Variants in FARP1 observed in about 807,000 individuals in gnomAD.
The protein encoded by FARP1 is FERM, ARHGEF and pleckstrin domain-containing protein 1.
In FARP1, 52 loss-of-function variants were observed where a neutral mutation model predicts 128.8. That is an observed-to-expected ratio of 0.40 (90% confidence interval 0.32 to 0.51). The LOEUF (loss-of-function observed/expected upper bound fraction) is 0.51. Among genes scored for constraint, FARP1 ranks in the 20% least tolerant of loss-of-function variants. The pLI is 0.45. For missense variants in FARP1, 1,333 were observed against 1,367.9 expected, an observed-to-expected ratio of 0.97 and a Z score of 0.40; for synonymous variants, 580 against 551.8, an observed-to-expected ratio of 1.05 and a Z score of -0.72.
chr13:98,244,747 AGAAATT>A (rs145977634), intron 2 of FARP1: 24,379 of 1,603,890 alleles, frequency 0.015, 251 homozygotes, highest in Middle Eastern at 0.026. Flanking sequence ...TTTCATTCAA[AGAAATT>A]GATTGGCAAT....
chr13:98,395,210 T>C lies in FARP1; in HGVS notation c.1165-17T>C. 1 of 1,579,310 alleles carries C rather than the reference T, an allele frequency of 6.3e-7. No individual in the cohort carries two copies. The highest frequency in any genetic ancestry group is 8.7e-7 in the Non-Finnish European group (1 of 1,155,768). On this transcript the variant is annotated splice_polypyrimidine_tract_variant and intron_variant, in intron 12 of 26. Transcript: ENST00000319562. ...CTCTTCTCTATCTCTCCGCACCTTT[T>C]TCCCCACCCCACCCAGTCTCAGCAG...
chr13:98,389,752 T>C (rs892145585), intron 9 of FARP1: 1 of 498,416 alleles, frequency 2.0e-6, no homozygotes, highest in Non-Finnish European at 3.5e-6. Context: ...AGAGATTCTG[T>C]GGGGAAGAAA....
intron 18 of FARP1, chr13:98,435,017 A>G (rs909661497): frequency 6.6e-6 from 1 of 152,352 alleles, no homozygotes; most frequent in African/African-American, 2.4e-5. Context: ...AAAAGAAAAA[A>G]TTTGAATTCT....
At chr13:98,412,497 G>A (rs745835725) in intron 16 of FARP1, among the ~76,000 whole-genome samples, 2 of 152,116 alleles carry the variant, frequency 1.3e-5, no homozygotes, top group African/African-American at 4.8e-5. Context: ...GTGTGCATGC[G>A]CACACACACA....
In FARP1 at chr13:98,240,122, T is replaced by C. The variant is rs77637771; in HGVS notation, c.171+26709T>C. On this transcript the variant is annotated intron_variant, in intron 2 of 26. Transcript: ENST00000319562. ...TCATCTCTTCTACCCTTGCACGGGG[T>C]CACCCTTGGCCAGGGACGCCTGTGG... 1.4e-3 allele frequency among the ~76,000 whole-genome samples: 218 copies of C among 152,130 alleles called. 1 individual carries two copies. The East Asian group carries it at 0.03, about 21-fold the overall frequency.
At chr13:98,446,008 G>C (rs1010154549) in intron 24 of FARP1, 90 bp from the exon 25 acceptor site, 2 of 866,362 alleles carry the variant, frequency 2.3e-6, no homozygotes, top group African/African-American at 1.7e-5. Context: ...ACATGCCCCA[G>C]CCCAGGGCCC....
chr13:98,219,452 T>C (rs1459090997), intron 2 of FARP1, among the ~76,000 whole-genome samples: 2 of 151,878 alleles, frequency 1.3e-5, no homozygotes, highest in East Asian at 3.9e-4. Context: ...ACTCCTGCCT[T>C]AGCCTCCCTA....
intron 1 of FARP1, chr13:98,177,045 C>G: frequency 6.3e-7 from 1 of 1,593,758 alleles, no homozygotes; most frequent in Non-Finnish European, 8.5e-7. Flanking sequence ...CCCGGGGCCT[C>G]GGTGCCACCC....
chr13:98,230,044 G>A (rs7989050), intron 2 of FARP1, among the ~76,000 whole-genome samples: 23,859 of 152,156 alleles, frequency 0.16, 4,563 homozygotes, highest in East Asian at 0.49. Context: ...GTCACTGGTC[G>A]TGCCTAGTAC....
At chr13:98,247,920 T>C (rs906222462) in intron 2 of FARP1, among the ~76,000 whole-genome samples, 9 of 152,194 alleles carry the variant, frequency 5.9e-5, no homozygotes, top group African/African-American at 2.2e-4. Flanking sequence ...GCTGGACACT[T>C]GATCAGCAGT....
intron 2 of FARP1, among the ~76,000 whole-genome samples, chr13:98,276,564 CT>C (rs58004472): frequency 0.24 from 37,067 of 151,926 alleles, 5,211 homozygotes; most frequent in South Asian, 0.45. Context: ...ATGTGGATAA[CT>C]TTTTTTCTTG....
intron 2 of FARP1, among the ~76,000 whole-genome samples, chr13:98,228,951 G>C (rs1881952857): frequency 6.6e-6 from 1 of 152,132 alleles, no homozygotes; most frequent in African/African-American, 2.4e-5. Flanking sequence ...CTCAGAAATA[G>C]GAATTTGTTA....
intron 1 of FARP1, among the ~76,000 whole-genome samples, chr13:98,160,558 A>G (rs1473063937): frequency 6.6e-6 from 1 of 152,224 alleles, no homozygotes; most frequent in Non-Finnish European, 1.5e-5. Context: ...GAAAGTGAAG[A>G]AAAGTAGGCA....
Position 98,390,066 on chromosome 13 carries a change from C to A in FARP1, c.965C>A (p.Pro322His). 6.2e-7 allele frequency: 1 copy of A among 1,614,164 alleles called. No individual in the cohort carries two copies. Among genetic ancestry groups the A allele is most frequent in the Non-Finnish European group, 8.5e-7 (1 of 1,180,026 alleles). The stretch of plus-strand genomic sequence containing the variant: ...GCCTTCTTTAGACTTTTTGAAGAGC[C>A]CAAACCAAAGCCCAAGCCCGTCCTC... Reference protein sequence around the residue: ...HHAFFRLFEEPKPKPKPVLFS... With the variant: ...HHAFFRLFEEHKPKPKPVLFS... Residue 322 changes from proline (P) to histidine (H), a missense_variant, in exon 10 of 27, where the codon CCC becomes CAC. Pro to His is a moderately conservative substitution (Grantham distance 77). This residue lies in a region of FARP1 where 1,009 missense variants were observed against 969.8 expected (regional missense o/e 1.04). Transcript: ENST00000319562.
At chr13:98,333,346 A>G (rs1265975528) in intron 2 of FARP1, 1 of 151,986 alleles carries the variant, frequency 6.6e-6, no homozygotes, top group Non-Finnish European at 1.5e-5. Context: ...ACCTAGCACT[A>G]TGAAGAGCTG....
In FARP1 at chr13:98,417,455, G is replaced by GGGAAAAAAAAAAAAAA. The variant is rs1491453247; in HGVS notation, c.1826+5421_1826+5422insGGAAAAAAAAAAAAAA. 9.6e-4 allele frequency among the ~76,000 whole-genome samples: 56 copies of GGGAAAAAAAAAAAAAA among 58,478 alleles called. 3 individuals are homozygous for GGGAAAAAAAAAAAAAA. The highest frequency in any genetic ancestry group is 2.7e-3 in the African/African-American group (48 of 17,466). The allele number at this position is 58,478 out of a possible 152,430, so 38.4% of individuals were successfully genotyped here. On this transcript the variant is annotated intron_variant, in intron 16 of 26. Transcript: ENST00000319562. ...AGGAAACAGAGGCCACCAGAGGTTT[G>GGGAAAAAAAAAAAAAA]AAAAAAAAAAAAAAAAAAAAAAAAA...
chr13:98,445,141 A>C (rs1279238772), intron 24 of FARP1: 1 of 152,250 alleles, frequency 6.6e-6, no homozygotes, highest in Non-Finnish European at 1.5e-5. Context: ...CCCAGCACAG[A>C]AGCTTAGTGC....
At chr13:98,297,115 GCA>G (rs1397841317) in intron 2 of FARP1, among the ~76,000 whole-genome samples, 1 of 152,314 alleles carries the variant, frequency 6.6e-6, no homozygotes, top group African/African-American at 2.4e-5. Context: ...ATTGTGCACA[GCA>G]CAGTCTGGTT....
At chr13:98,210,695 G>T (rs1400671610) in intron 1 of FARP1, among the ~76,000 whole-genome samples, 1 of 151,870 alleles carries the variant, frequency 6.6e-6, no homozygotes, top group South Asian at 2.1e-4. Flanking sequence ...GACTACAGGC[G>T]CCCGCCACCA....
Sources: allele counts gnomAD v4.1 joint callset (sites outside exome capture counted in the v4.1 genomes callset), GRCh38; gene constraint gnomAD v4.1.1; regional missense constraint gnomAD v4.1.1; transcripts MANE v1.5; gene names NCBI Gene and HGNC (gene_info 2026-07-23, HGNC 2026-07-21).